Variants in FSTL5 observed in about 807,000 individuals in gnomAD.
FSTL5 encodes follistatin-related protein 5.
Under a neutral mutation model 89.1 loss-of-function variants are expected in FSTL5, and 62 were observed. The ratio of observed to expected loss-of-function variants is 0.70; its 90% CI spans 0.57 to 0.86. The LOEUF (loss-of-function observed/expected upper bound fraction) is 0.86, where lower values mean the gene tolerates loss of function less well. FSTL5 is among the 40% of genes least tolerant of loss of function. The pLI, the probability that FSTL5 is intolerant of heterozygous loss-of-function variation, is 0.00. For synonymous variants in FSTL5, 383 were observed against 346.2 expected (o/e 1.11, Z -1.18); for missense variants, 1,057 against 1,001.6 (o/e 1.06, Z -0.75).
intron 12 of FSTL5, among the ~76,000 whole-genome samples, chr4:161,496,847 GAGAA>G (rs1730102582): frequency 6.7e-6 from 1 of 149,046 alleles, no homozygotes; most frequent in Admixed American, 6.8e-5. Context: ...GATCAAAAGA[GAGAA>G]ATAGAGGGAA....
intron 2 of FSTL5, among the ~76,000 whole-genome samples, chr4:162,104,957 G>T (rs1353103808): frequency 6.6e-6 from 1 of 152,094 alleles, no homozygotes; most frequent in African/African-American, 2.4e-5. Flanking sequence ...ATAATACAGA[G>T]TTCCTTTCAG....
chr4:161,564,522 T>G (rs996844220), intron 8 of FSTL5, among the ~76,000 whole-genome samples: 1 of 108,724 alleles, frequency 9.2e-6, no homozygotes, highest in Admixed American at 9.3e-5. Context: ...CTCATATAAT[T>G]AATTTATTAA....
chr4:161,496,797 T>TAGAGAG (rs1730094842), intron 12 of FSTL5, among the ~76,000 whole-genome samples: 1 of 147,340 alleles, frequency 6.8e-6, no homozygotes, highest in Non-Finnish European at 1.5e-5. Context: ...AAGATAGAGA[T>TAGAGAG]AGAGATAGAG....
chr4:161,486,096 A>T (rs1560918786), intron 12 of FSTL5, among the ~76,000 whole-genome samples: 3 of 149,348 alleles, frequency 2.0e-5, no homozygotes, highest in Non-Finnish European at 4.4e-5. Context: ...GTGAGCCGAG[A>T]TCGCAGCACT....
At position 161,681,593 on chromosome 4, in the gene FSTL5, G is replaced by T. The variant is rs72689112; in HGVS notation, c.728-25099C>A. On this transcript the variant is annotated intron_variant, in intron 6 of 15. Transcript: ENST00000306100. ...TTACATAAACATTGAAATCCTATTC[G>T]TAATCATTATTAAAAAATATCTGTA... Among the ~76,000 whole-genome samples, 1,097 of 151,838 alleles carry T rather than the reference G, an allele frequency of 7.2e-3. 13 individuals are homozygous for T. Among genetic ancestry groups the T allele is most frequent in the African/African-American group, 0.025 (1,033 of 41,430 alleles).
chr4:161,445,030 C>G (rs931181892), intron 15 of FSTL5, among the ~76,000 whole-genome samples: 1 of 151,874 alleles, frequency 6.6e-6, no homozygotes, highest in Non-Finnish European at 1.5e-5. Context: ...TATATAATAA[C>G]CTTAGCAATA....
At chr4:162,069,243 C>T (rs2111304256) in intron 2 of FSTL5, among the ~76,000 whole-genome samples, 1 of 151,880 alleles carries the variant, frequency 6.6e-6, no homozygotes, top group African/African-American at 2.4e-5. Context: ...TTTTAAATTT[C>T]CTTTTAATTA....
chr4:162,088,770 G>A (rs1410152049), intron 2 of FSTL5, among the ~76,000 whole-genome samples: 1 of 152,058 alleles, frequency 6.6e-6, no homozygotes, highest in African/African-American at 2.4e-5. Context: ...GCTTTCTCCA[G>A]AACTATAAAT....
chr4:161,915,398 T>C (rs973273574), intron 4 of FSTL5, among the ~76,000 whole-genome samples: 5 of 151,948 alleles, frequency 3.3e-5, no homozygotes, highest in Admixed American at 3.3e-4. Context: ...AGTCCTAATG[T>C]CTAATATCCC....
intron 4 of FSTL5, among the ~76,000 whole-genome samples, chr4:161,790,308 C>T (rs1333485524): frequency 6.6e-6 from 1 of 151,802 alleles, no homozygotes; most frequent in East Asian, 2.0e-4. Context: ...CACCTGAGTC[C>T]ACACAACATG....
At chr4:161,941,243 T>C (rs1257792657) in intron 3 of FSTL5, among the ~76,000 whole-genome samples, 2 of 151,648 alleles carry the variant, frequency 1.3e-5, no homozygotes, top group African/African-American at 2.4e-5. Flanking sequence ...TGGAGAAAAC[T>C]GAAGAACAAA....
chr4:161,538,036 C>G, intron 10 of FSTL5, 130 bp downstream of exon 10: 1 of 776,450 alleles, frequency 1.3e-6, no homozygotes. Flanking sequence ...ATCCTTCCTA[C>G]GTATAAAATC....
chr4:161,937,449 T>A (rs1256053460), intron 3 of FSTL5, among the ~76,000 whole-genome samples: 3 of 152,074 alleles, frequency 2.0e-5, no homozygotes, highest in Non-Finnish European at 4.4e-5. Flanking sequence ...GTAAAATGAA[T>A]TAGAATAGAC....
chr4:161,413,930 C>T (rs1313541935), intron 15 of FSTL5, among the ~76,000 whole-genome samples: 2 of 152,038 alleles, frequency 1.3e-5, no homozygotes, highest in Non-Finnish European at 2.9e-5. Context: ...AGGTGGAGGG[C>T]GGGAGAGTGG....
chr4:161,707,617 C>T (rs546577403), intron 6 of FSTL5, among the ~76,000 whole-genome samples: 29 of 151,946 alleles, frequency 1.9e-4, no homozygotes, highest in South Asian at 4.1e-4. Flanking sequence ...AATTTTTTCA[C>T]GAAATCTTGC....
chr4:161,541,957 T>TATC (rs1019620462), intron 9 of FSTL5, among the ~76,000 whole-genome samples: 3 of 151,914 alleles, frequency 2.0e-5, no homozygotes. Context: ...GGATTATTAT[T>TATC]ATCTAATATA....
In FSTL5 at chr4:161,500,121, C is replaced by A; in HGVS notation, c.1353G>T (p.Gly451=). 1 of 1,582,826 alleles carries A rather than the reference C, an allele frequency of 6.3e-7. No individual in the cohort carries two copies. The highest frequency in any genetic ancestry group is 2.3e-5 in the East Asian group (1 of 44,388). ...CTTCATAAAAAACATAGAACATGTT[C>A]CCAATTCCCAGACCTTAGGAATAAA... ...ILWREEGLGI[G]NMFYVFYEDG... Residue 451 remains glycine (G), a synonymous_variant, in exon 12 of 16, where the codon GGG becomes GGT. Transcript: ENST00000306100.
At chr4:161,496,725 C>T (rs183130298) in intron 12 of FSTL5, among the ~76,000 whole-genome samples, 14 of 151,878 alleles carry the variant, frequency 9.2e-5, no homozygotes, top group African/African-American at 3.1e-4. Context: ...CATATCCCAC[C>T]TGCAGTTGTG....
At chr4:161,396,583 G>T (rs1372535252) in intron 15 of FSTL5, among the ~76,000 whole-genome samples, 1 of 151,398 alleles carries the variant, frequency 6.6e-6, no homozygotes, top group Non-Finnish European at 1.5e-5. Context: ...GAACCTGGGA[G>T]GCAGAGGTTG....
Sources: gnomAD v4.1 joint callset for allele counts (sites outside exome capture counted in the v4.1 genomes callset) on GRCh38, gnomAD v4.1.1 for gene constraint, MANE v1.5 for transcripts, NCBI Gene and HGNC (gene_info 2026-07-23, HGNC 2026-07-21) for gene names.